Variants in MEGF11 observed in about 807,000 individuals in gnomAD.
The protein encoded by MEGF11 is multiple epidermal growth factor-like domains protein 11.
MEGF11 carries 126 observed loss-of-function variants against 146.6 expected under a neutral mutation model. The ratio of observed to expected loss-of-function variants is 0.86; its 90% CI spans 0.74 to 1.00. MEGF11 has a LOEUF of 1.00. Ranked by LOEUF, MEGF11 falls within the 50% of genes least tolerant of loss-of-function variation. MEGF11 has a pLI of 0.00. For synonymous variants in MEGF11, 532 were observed against 583.4 expected (o/e 0.91, Z 1.27); for missense variants, 1,509 against 1,521.2 (o/e 0.99, Z 0.13).
At chr15:65,981,656 C>A (rs1288873381) in intron 6 of MEGF11, among the ~76,000 whole-genome samples, 1 of 152,092 alleles carries the variant, frequency 6.6e-6, no homozygotes, top group African/African-American at 2.4e-5. Flanking sequence ...GAGGGGGTCT[C>A]AGCTAAGCAG....
rs143483046 is a variant in MEGF11, at chr15:65,950,738, GTC to G, written c.1287+6807_1287+6808del. Among the ~76,000 whole-genome samples the G allele has an allele frequency of 5.1e-3, 780 of 152,342 alleles. 8 individuals are homozygous for G. The highest frequency in any genetic ancestry group is 0.017 in the African/African-American group (726 of 41,574). ...CGAAGGCAGAGAATTTGGCACCAGAGTCTCTGCAAACCACTACACAAAATTTC... is the reference window on the plus strand; with the variant it reads ...CGAAGGCAGAGAATTTGGCACCAGAGTCTGCAAACCACTACACAAAATTTC... On this transcript the variant is annotated intron_variant, in intron 10 of 25. Transcript: ENST00000395614.
Position 66,184,480 on chromosome 15 carries a change from C to T in MEGF11, c.-8-56069G>A, listed in dbSNP as rs574272977. Among the ~76,000 whole-genome samples the T allele has an allele frequency of 3.0e-4, 46 of 152,138 alleles. 1 individual carries two copies. The South Asian group carries it at 9.1e-3, about 30-fold the overall frequency. ...CCCCATCCATTCTCCACAAAGCAGT[C>T]GGAGTGATCTCTTTAAATTACAGAT... On this transcript the variant is annotated intron_variant, in intron 1 of 25. Transcript: ENST00000395614.
At chr15:65,990,794 A>G (rs1317581916) in intron 5 of MEGF11, among the ~76,000 whole-genome samples, 2 of 152,180 alleles carry the variant, frequency 1.3e-5, no homozygotes, top group South Asian at 2.1e-4. Flanking sequence ...TCAAGTCCCA[A>G]TGCTGTGTGA....
At chr15:66,006,601 G>T (rs977175272) in intron 5 of MEGF11, among the ~76,000 whole-genome samples, 1 of 152,212 alleles carries the variant, frequency 6.6e-6, no homozygotes, top group African/African-American at 2.4e-5. Context: ...TGAGCTCCCT[G>T]CTCTGGCCTG....
chr15:66,230,112 G>A (rs1418953220), intron 1 of MEGF11, among the ~76,000 whole-genome samples: 1 of 152,128 alleles, frequency 6.6e-6, no homozygotes, highest in Non-Finnish European at 1.5e-5. Flanking sequence ...CCCGGAAAGG[G>A]CATCTCATCC....
chr15:66,125,946 G>A (rs762593053), intron 2 of MEGF11, among the ~76,000 whole-genome samples: 5 of 152,206 alleles, frequency 3.3e-5, no homozygotes, highest in African/African-American at 4.8e-5. Context: ...GCCCTGGGCC[G>A]AACGAGTCTG....
At chr15:66,170,833 T>C (rs1182338075) in intron 1 of MEGF11, among the ~76,000 whole-genome samples, 1 of 151,182 alleles carries the variant, frequency 6.6e-6, no homozygotes, top group Non-Finnish European at 1.5e-5. Context: ...CAGGAGGTGG[T>C]CAATTCCCCT....
intron 5 of MEGF11, among the ~76,000 whole-genome samples, chr15:66,003,006 T>G (rs1420882508): frequency 1.3e-5 from 2 of 151,964 alleles, no homozygotes; most frequent in Non-Finnish European, 2.9e-5. Context: ...CTTTTTTTTT[T>G]TTGAGATAGA....
At chr15:65,983,577 C>A (rs897946075) in intron 5 of MEGF11, among the ~76,000 whole-genome samples, 1 of 152,218 alleles carries the variant, frequency 6.6e-6, no homozygotes, top group African/African-American at 2.4e-5. Context: ...GGCAAGGCTT[C>A]TTAAAACAGA....
intron 1 of MEGF11, among the ~76,000 whole-genome samples, chr15:66,231,253 T>A (rs1286486683): frequency 6.6e-6 from 1 of 151,650 alleles, no homozygotes; most frequent in African/African-American, 2.4e-5. Flanking sequence ...AGGCAGGACT[T>A]TCCAGAAACC....
At chr15:65,970,726 C>A (rs2081275846) in intron 7 of MEGF11, 37 bp from the exon 8 acceptor site, 2 of 1,575,732 alleles carry the variant, frequency 1.3e-6, no homozygotes, top group Non-Finnish European at 8.6e-7. Context: ...TGGCGGTGCT[C>A]CAGAAATGCC....
chr15:66,079,892 G>T lies in MEGF11; in HGVS notation c.394+14510C>A, dbSNP rs184997465. 6.6e-5 allele frequency among the ~76,000 whole-genome samples: 10 copies of T among 152,270 alleles called. 1 individual carries two copies. Among genetic ancestry groups the T allele is most frequent in the Admixed American group, 5.2e-4 (8 of 15,306 alleles). ...CAGCCTGATCCTCATCCTGACAAAG[G>T]TCTGGGCTCCCACAAGGGCGGGGCT... On this transcript the variant is annotated intron_variant, in intron 5 of 25. Transcript: ENST00000395614.
chr15:66,046,593 G>A (rs150668386), intron 5 of MEGF11, among the ~76,000 whole-genome samples: 59 of 152,310 alleles, frequency 3.9e-4, no homozygotes, highest in African/African-American at 1.3e-3. Flanking sequence ...GACTTCTCAC[G>A]CAGGCTTAGG....
At chr15:66,228,174 G>T (rs2091892931) in intron 1 of MEGF11, among the ~76,000 whole-genome samples, 1 of 152,136 alleles carries the variant, frequency 6.6e-6, no homozygotes, top group East Asian at 1.9e-4. Context: ...GCAGGCTACT[G>T]GGGAAGATCC....
chr15:65,956,672 A>G (rs1384599132), intron 10 of MEGF11, among the ~76,000 whole-genome samples: 1 of 152,238 alleles, frequency 6.6e-6, no homozygotes, highest in Non-Finnish European at 1.5e-5. Context: ...CCTGCCTTTG[A>G]ACAGGATTCC....
chr15:66,001,968 G>T (rs1469163671), intron 5 of MEGF11, among the ~76,000 whole-genome samples: 1 of 152,180 alleles, frequency 6.6e-6, no homozygotes, highest in Non-Finnish European at 1.5e-5. Context: ...GGGCTGGCAG[G>T]GGGATGGGGG....
intron 5 of MEGF11, among the ~76,000 whole-genome samples, chr15:66,035,246 T>G (rs915873691): frequency 6.6e-6 from 1 of 152,156 alleles, no homozygotes; most frequent in African/African-American, 2.4e-5. Context: ...AGTATATTAT[T>G]TCTTCTAATA....
At position 66,238,378 on chromosome 15, in the gene MEGF11, C is replaced by T. The variant is rs1255525624; in HGVS notation, c.-9+15227G>A. On this transcript the variant is annotated intron_variant, in intron 1 of 25. Coordinates refer to ENST00000395614, the MANE Select transcript of MEGF11 (RefSeq NM_001385028.1). ...CAGATGCTCGAGTAAAAAGAAAATGCATGTGTTGCTTCTCAGACTGCAGGT... is the reference window on the plus strand; with the variant it reads ...CAGATGCTCGAGTAAAAAGAAAATGTATGTGTTGCTTCTCAGACTGCAGGT... Among the ~76,000 whole-genome samples the T allele has an allele frequency of 2.6e-5, 4 of 152,362 alleles. No individual in the cohort carries two copies. The East Asian group carries it at 7.7e-4, about 29-fold the overall frequency.
rs557143748 is a variant in MEGF11, at chr15:65,910,788, C to T, written c.2830-982G>A. ...AGAAAGGACTCCTAGATCTCTAGGG[C>T]ATAGCCGTGGACTATGAAAGCCATG... On this transcript the variant is annotated intron_variant, in intron 21 of 25. Coordinates refer to ENST00000395614, the MANE Select transcript of MEGF11 (RefSeq NM_001385028.1). 2.6e-5 allele frequency among the ~76,000 whole-genome samples: 4 copies of T among 152,288 alleles called. No homozygotes were observed. The South Asian group carries it at 6.2e-4, about 24-fold the overall frequency.
Sources: allele counts gnomAD v4.1 joint callset (sites outside exome capture counted in the v4.1 genomes callset), GRCh38; gene constraint gnomAD v4.1.1; transcripts MANE v1.5; gene names NCBI Gene and HGNC (gene_info 2026-07-23, HGNC 2026-07-21).